EFHC1: variants seen among roughly 807,000 people sequenced by gnomAD.
The protein encoded by EFHC1 is EF-hand domain-containing protein 1.
EFHC1 carries 53 observed loss-of-function variants against 69.9 expected under a neutral mutation model. That is an observed-to-expected ratio of 0.76 (90% CI 0.61 to 0.95). The LOEUF (loss-of-function observed/expected upper bound fraction) is 0.95, where lower values mean the gene tolerates loss of function less well. Ranked by LOEUF, EFHC1 falls within the 40% of genes least tolerant of loss-of-function variation. The pLI is 0.00. For synonymous variants in EFHC1, 256 were observed against 278.4 expected, an observed-to-expected ratio of 0.92 and a Z score of 0.80; for missense variants, 739 against 798.7, an observed-to-expected ratio of 0.93 and a Z score of 0.90.
At chr6:52,451,190 T>C (rs919089289) in intron 3 of EFHC1, among the ~76,000 whole-genome samples, 10 of 151,170 alleles carry the variant, frequency 6.6e-5, no homozygotes, top group South Asian at 2.1e-4. Flanking sequence ...TGTTGTTAGC[T>C]GGTTATTATG....
chr6:52,478,407 C>G (rs914697743), intron 7 of EFHC1, among the ~76,000 whole-genome samples: 2 of 152,094 alleles, frequency 1.3e-5, no homozygotes, highest in South Asian at 4.2e-4. Context: ...CACATGTACC[C>G]TAAAACTTAA....
rs373042342 is a variant in EFHC1 at position 52,479,154 on chromosome 6, T to G, written c.1396T>G (p.Tyr466Asp). Residue 466 changes from tyrosine (Y) to aspartate (D), a missense_variant, in exon 8 of 11, where the codon TAC (tyrosine) becomes GAC (aspartate). By Grantham distance (160) the Tyr-to-Asp change is radical. Coordinates refer to ENST00000371068, the MANE Select transcript of EFHC1 (RefSeq NM_018100.4). The stretch of plus-strand genomic sequence containing the variant: ...CAATTCTGGTATCATTGGGGGCAAG[T>G]ACCTTGGCAGGACTAAAGTTGTTAA... ...VRNSGIIGGK[Y>D]LGRTKVVKPY... is the part of the protein sequence containing the mutation. 8.7e-6 allele frequency: 14 copies of G among 1,614,014 alleles called. No individual in the cohort carries two copies. The highest frequency in any genetic ancestry group is 1.2e-5 in the Non-Finnish European group (14 of 1,180,008).
At chr6:52,448,945 ATG>A (rs1244062922) in intron 3 of EFHC1, among the ~76,000 whole-genome samples, 2 of 152,146 alleles carry the variant, frequency 1.3e-5, no homozygotes, top group Non-Finnish European at 2.9e-5. Flanking sequence ...ATTTGCATTG[ATG>A]TTCATCAAAT....
intron 9 of EFHC1, chr6:52,487,712 A>G (rs1313262175): frequency 6.6e-6 from 1 of 152,234 alleles, no homozygotes; most frequent in Non-Finnish European, 1.5e-5. Flanking sequence ...CCTCTGGAAG[A>G]TTAGCCACTC....
chr6:52,480,178 A>T, intron 9 of EFHC1: 2 of 363,686 alleles, frequency 5.5e-6, no homozygotes, highest in Non-Finnish European at 1.0e-5. Flanking sequence ...TATTCTTACA[A>T]TACGGTAAGC....
At chr6:52,473,942 AT>A (rs1562460272) in intron 7 of EFHC1, among the ~76,000 whole-genome samples, 1 of 152,242 alleles carries the variant, frequency 6.6e-6, no homozygotes, top group African/African-American at 2.4e-5. Flanking sequence ...TTCAGAATAT[AT>A]AAAGAACACT....
chr6:52,461,073 A>AT (rs1765155147), intron 5 of EFHC1, among the ~76,000 whole-genome samples: 1 of 152,098 alleles, frequency 6.6e-6, no homozygotes, highest in Non-Finnish European at 1.5e-5. Flanking sequence ...AAGTTTTGAA[A>AT]ATTTTTTTTT....
At chr6:52,491,781 C>T (rs2114039036) in intron 10 of EFHC1, among the ~76,000 whole-genome samples, 1 of 152,314 alleles carries the variant, frequency 6.6e-6, no homozygotes, top group African/African-American at 2.4e-5. Context: ...GCTGCTACAG[C>T]CCTTCATATT....
At chr6:52,423,895 C>G in intron 1 of EFHC1, 51 bp from the exon 2 acceptor site, 1 of 1,608,076 alleles carries the variant, frequency 6.2e-7, no homozygotes. Flanking sequence ...TTTTTTTTAC[C>G]TAACAAATAT....
chr6:52,483,074 G>A, intron 9 of EFHC1: 1 of 384,566 alleles, frequency 2.6e-6, no homozygotes, highest in Non-Finnish European at 4.6e-6. Flanking sequence ...GTCACCAACA[G>A]ACTTTGAAAG....
chr6:52,421,756 A>AT (rs1427554241), intron 1 of EFHC1, among the ~76,000 whole-genome samples: 4 of 152,204 alleles, frequency 2.6e-5, no homozygotes, highest in Non-Finnish European at 5.9e-5. Flanking sequence ...AACATCATAG[A>AT]TTTTTAGTTT....
intron 3 of EFHC1, among the ~76,000 whole-genome samples, chr6:52,450,156 G>A (rs1338058472): frequency 2.0e-5 from 3 of 152,076 alleles, no homozygotes; most frequent in Non-Finnish European, 4.4e-5. Context: ...TTATTATGCT[G>A]TCATCTGGGA....
Position 52,495,045 on chromosome 6 carries a change from C to A in EFHC1, c.*2704C>A. On this transcript the variant is annotated 3_prime_UTR_variant, in exon 11 of 11. Transcript: ENST00000371068. ...CGGAAACTGCCCAGTGCACCACTCT[C>A]AGATGGACGGGACCCAGTCTGTACC... is the stretch of plus-strand genomic sequence containing the variant. The A allele has an allele frequency of 4.4e-6, 2 of 454,116 alleles. No individual in the cohort carries two copies. The highest frequency in any genetic ancestry group is 8.8e-6 in the Non-Finnish European group (2 of 226,792). The allele number at this position is 454,116 out of a possible 1,614,324, so 28.1% of individuals were successfully genotyped here.
At chr6:52,483,980 G>C (rs1364232449) in intron 9 of EFHC1, 1 of 152,284 alleles carries the variant, frequency 6.6e-6, no homozygotes, top group African/African-American at 2.4e-5. Flanking sequence ...CAGAAAAATG[G>C]GGCAGCAGCT....
chr6:52,456,254 A>G (rs1049071429), intron 5 of EFHC1, among the ~76,000 whole-genome samples: 7 of 152,236 alleles, frequency 4.6e-5, no homozygotes, highest in African/African-American at 1.7e-4. Context: ...TACCTACTAT[A>G]CATATTCTTA....
intron 5 of EFHC1, among the ~76,000 whole-genome samples, chr6:52,459,658 T>G (rs1442311519): frequency 6.6e-6 from 1 of 151,686 alleles, no homozygotes; most frequent in African/African-American, 2.4e-5. Flanking sequence ...ACAGGTTTTT[T>G]TGTTTTGTTT....
chr6:52,495,925 A>G lies in EFHC1; in HGVS notation c.*3584A>G, dbSNP rs908934407. The G allele has an allele frequency of 7.0e-6, 2 of 284,204 alleles. No individual in the cohort carries two copies. Among genetic ancestry groups the G allele is most frequent in the African/African-American group, 4.4e-5 (2 of 45,766 alleles). The allele number at this position is 284,204 out of a possible 1,614,324, so 17.6% of individuals were successfully genotyped here. On this transcript the variant is annotated 3_prime_UTR_variant, in exon 11 of 11. Coordinates refer to ENST00000371068, the MANE Select transcript of EFHC1 (RefSeq NM_018100.4). ...CAGCAGGCCATTTCTGTGGTGTCCA[A>G]ACACTCGCTGCTCACCTGTTTATAC... is the stretch of plus-strand genomic sequence containing the variant.
rs994812402 is a variant in EFHC1 at position 52,465,031 on chromosome 6, T to C, written c.1053T>C (p.Thr351=). Residue 351 remains threonine, a synonymous_variant, in exon 6 of 11, where the codon ACT becomes ACC. Coordinates refer to ENST00000371068, the MANE Select transcript of EFHC1 (RefSeq NM_018100.4). ...TCATTTATGATTGTGATCCATTTACTCGACGGTATTACAAAGAGAAGTTTG... is the reference window on the plus strand; with the variant it reads ...TCATTTATGATTGTGATCCATTTACCCGACGGTATTACAAAGAGAAGTTTG... ...TFFIYDCDPF[T]RRYYKEKFGI... The C allele has an allele frequency of 6.2e-7, 1 of 1,614,192 alleles. No homozygotes were observed. Among genetic ancestry groups the C allele is most frequent in the Non-Finnish European group, 8.5e-7 (1 of 1,180,048 alleles).
chr6:52,454,042 G>C, intron 4 of EFHC1, 53 bp from the exon 5 acceptor site: 1 of 1,610,570 alleles, frequency 6.2e-7, no homozygotes, highest in Non-Finnish European at 8.5e-7. Flanking sequence ...AAGTAGCCAA[G>C]TTGAACTCCC....
Sources: allele counts gnomAD v4.1 joint callset (sites outside exome capture counted in the v4.1 genomes callset), GRCh38; gene constraint gnomAD v4.1.1; transcripts MANE v1.5; gene names NCBI Gene and HGNC (gene_info 2026-07-23, HGNC 2026-07-21).